SRARP: variants seen among roughly 807,000 people sequenced by gnomAD.
SRARP encodes the protein steroid receptor-associated and regulated protein.
Under a neutral mutation model 3.6 loss-of-function variants are expected in SRARP, and 5 were observed. That is an observed-to-expected ratio of 1.39 (90% CI 0.73 to 2.93). SRARP has a LOEUF of 2.93. Among genes scored for constraint, SRARP ranks in the 30% most tolerant of loss-of-function variants. The pLI, the probability that SRARP is intolerant of heterozygous loss-of-function variation, is 0.00. For missense variants in SRARP, 215 were observed against 216.7 expected, an observed-to-expected ratio of 0.99 and a Z score of 0.05; for synonymous variants, 96 against 91.6, an observed-to-expected ratio of 1.05 and a Z score of -0.27.
chr1:16,006,027 C>T lies in SRARP; in HGVS notation c.191C>T (p.Pro64Leu), dbSNP rs1036549155. The change falls in exon 2 of 2, where the codon CCC becomes CTC. Residue 64 changes from proline (P) to leucine (L), a missense_variant. Pro to Leu is a moderately conservative substitution (Grantham distance 98). Transcript: ENST00000329454. ...TCCCTGGCAGCAACCGCATCACCAC[C>T]CCAAGCCCCCAGTCCCAATCGAGGG... ...QLSLAATASP[P>L]QAPSPNRGLV... 1.9e-6 allele frequency: 3 copies of T among 1,613,812 alleles called. No homozygotes were observed. The African/African-American group carries it at 4.0e-5, about 22-fold the overall frequency.
In SRARP at chr1:16,004,392, G is replaced by A. The variant is rs2073115097; in HGVS notation, c.82+7G>A. 1 of 1,594,130 alleles carries A rather than the reference G, an allele frequency of 6.3e-7. No individual in the cohort carries two copies. The highest frequency in any genetic ancestry group is 8.6e-7 in the Non-Finnish European group (1 of 1,169,182). ...GGCCTGGAGACCAGCTCCGGTAAGA[G>A]GCGGCAAAGGGACCCCAGCCCCACA... On this transcript the variant is annotated splice_region_variant and intron_variant, in intron 1 of 1. Transcript: ENST00000329454.
chr1:16,004,582 C>G (rs1432216236), intron 1 of SRARP, among the ~76,000 whole-genome samples, 197 bp downstream of exon 1: 1 of 151,964 alleles, frequency 6.6e-6, no homozygotes, highest in African/African-American at 2.4e-5. Context: ...GGTGTGGTGG[C>G]GGGTGCCTAT....
In SRARP at chr1:16,008,194, G is replaced by A. The variant is rs2073140600; in HGVS notation, c.*1848G>A. Reference sequence around the variant, plus strand: ...CACTCTAGAGAGAGGAGATCAGGGAGGACTTCCTGCAGGAAGTGATGCCGA... The same window carrying A: ...CACTCTAGAGAGAGGAGATCAGGGAAGACTTCCTGCAGGAAGTGATGCCGA... On this transcript the variant is annotated 3_prime_UTR_variant, in exon 2 of 2. Transcript: ENST00000329454. The A allele has an allele frequency of 6.6e-6, 1 of 152,200 alleles. No homozygotes were observed. The highest frequency in any genetic ancestry group is 2.4e-5 in the African/African-American group (1 of 41,428). 9.4% of individuals were successfully genotyped at this position (152,200 alleles called of 1,614,324 possible). A position where few individuals can be genotyped will look rare whatever the true frequency, so the allele number is the denominator to read the frequency against.
chr1:16,006,782 CT>C lies in SRARP; in HGVS notation c.*437del, dbSNP rs763160654. 15 of 159,734 alleles carry C rather than the reference CT, an allele frequency of 9.4e-5. No homozygotes were observed. Among genetic ancestry groups the C allele is most frequent in the Non-Finnish European group, 1.9e-4 (14 of 72,580 alleles). The allele number at this position is 159,734 out of a possible 1,614,324, so 9.9% of individuals were successfully genotyped here. A position where few individuals can be genotyped will look rare whatever the true frequency, so the allele number is the denominator to read the frequency against. On this transcript the variant is annotated 3_prime_UTR_variant, in exon 2 of 2. Transcript: ENST00000329454. ...TCCTGATGCAGTGCTTGGTAAGGGCCTCTCTGCGCAGGCAACAAAGTGTGAT... is the reference window on the plus strand; with the variant it reads ...TCCTGATGCAGTGCTTGGTAAGGGCCCTCTGCGCAGGCAACAAAGTGTGAT...
chr1:16,005,818 G>A, intron 1 of SRARP, 101 bp from the exon 2 acceptor site: 3 of 1,207,290 alleles, frequency 2.5e-6, no homozygotes, highest in Non-Finnish European at 3.5e-6. Context: ...AGGCTGCAGT[G>A]AGCCATGACC....
chr1:16,006,358 G>A lies in SRARP; in HGVS notation c.*12G>A, dbSNP rs41269159. On this transcript the variant is annotated 3_prime_UTR_variant, in exon 2 of 2. Coordinates refer to ENST00000329454, the MANE Select transcript of SRARP (RefSeq NM_178840.4). ...GGCAGGCCGATTAGCTGGAAGGGCCGGGCTCTGATGCCCAGAGGCTGCAAT... is the reference window on the plus strand; with the variant it reads ...GGCAGGCCGATTAGCTGGAAGGGCCAGGCTCTGATGCCCAGAGGCTGCAAT... The A allele has an allele frequency of 4.2e-4, 657 of 1,567,734 alleles. 4 individuals are homozygous for A. Among genetic ancestry groups the A allele is most frequent in the Admixed American group, 2.5e-4 (14 of 55,298 alleles).
Sources: gnomAD v4.1 joint callset for allele counts (sites outside exome capture counted in the v4.1 genomes callset) on GRCh38, gnomAD v4.1.1 for gene constraint, MANE v1.5 for transcripts, NCBI Gene and HGNC (gene_info 2026-07-23, HGNC 2026-07-21) for gene names.